The following LRRC4C variants were observed in gnomAD, a reference collection of about 807,000 sequenced individuals.
The protein encoded by LRRC4C is leucine-rich repeat-containing protein 4C.
A neutral mutation model predicts 33.6 loss-of-function variants in LRRC4C; 5 were observed. The ratio of observed to expected loss-of-function variants is 0.15; its 90% confidence interval spans 0.08 to 0.31. LRRC4C has a LOEUF of 0.31. Among genes scored for constraint, LRRC4C ranks in the 10% least tolerant of loss-of-function variants. The pLI is 1.00. For synonymous variants in LRRC4C, 329 were observed against 302.0 expected, an observed-to-expected ratio of 1.09 and a Z score of -0.93; for missense variants, 560 against 796.7, an observed-to-expected ratio of 0.70 and a Z score of 3.58.
At position 41,005,006 on chromosome 11, in the gene LRRC4C, A is replaced by ATTATTATT. The variant is rs371065177; in HGVS notation, c.-495-71284_-495-71283insAATAATAA. 2.9e-3 allele frequency among the ~76,000 whole-genome samples: 444 copies of ATTATTATT among 151,488 alleles called. 3 individuals carry two copies. Among genetic ancestry groups the ATTATTATT allele is most frequent in the South Asian group, 0.022 (105 of 4,794 alleles). On this transcript the variant is annotated intron_variant, in intron 1 of 6. Coordinates refer to ENST00000528697, the MANE Select transcript of LRRC4C (RefSeq NM_001258419.2). ...TTATAACTTTCATTATTATTATTAT[A>ATTATTATT]ATTATTACAGAATTCAGGATTCTAT...
chr11:40,703,442 G>A (rs1945980473), intron 2 of LRRC4C, among the ~76,000 whole-genome samples: 1 of 152,108 alleles, frequency 6.6e-6, no homozygotes, highest in Admixed American at 6.6e-5. Context: ...AGCTGAATGT[G>A]GTAATGGGTG....
intron 1 of LRRC4C, among the ~76,000 whole-genome samples, chr11:41,260,894 C>G (rs1321475739): frequency 6.6e-6 from 1 of 152,060 alleles, no homozygotes; most frequent in Non-Finnish European, 1.5e-5. Context: ...ATGTATAAGA[C>G]ATTATTAGAT....
At chr11:41,186,205 A>G (rs1264836313) in intron 1 of LRRC4C, among the ~76,000 whole-genome samples, 1 of 152,210 alleles carries the variant, frequency 6.6e-6, no homozygotes, top group Non-Finnish European at 1.5e-5. Context: ...TTAATTCAGT[A>G]AAATCAGTAA....
chr11:40,843,290 C>G (rs970156189), intron 2 of LRRC4C, among the ~76,000 whole-genome samples: 1 of 152,078 alleles, frequency 6.6e-6, no homozygotes, highest in African/African-American at 2.4e-5. Context: ...GCAATTAGGA[C>G]GAGACCAACC....
At chr11:41,075,772 C>T (rs909270024) in intron 1 of LRRC4C, among the ~76,000 whole-genome samples, 1 of 152,140 alleles carries the variant, frequency 6.6e-6, no homozygotes, top group Non-Finnish European at 1.5e-5. Context: ...CTTGTATGCA[C>T]TCCAATCAGA....
chr11:41,172,315 A>T (rs1012077097), intron 1 of LRRC4C, among the ~76,000 whole-genome samples: 2 of 150,660 alleles, frequency 1.3e-5, no homozygotes, highest in African/African-American at 5.0e-5. Flanking sequence ...TTAGAAGCCC[A>T]TAAAATATTG....
intron 5 of LRRC4C, among the ~76,000 whole-genome samples, chr11:40,189,322 G>A (rs751508795): frequency 1.3e-3 from 201 of 151,992 alleles, no homozygotes; most frequent in Non-Finnish European, 2.4e-3. Context: ...AAACAACCTC[G>A]TTCTATAAAT....
intron 3 of LRRC4C, among the ~76,000 whole-genome samples, chr11:40,414,114 G>A (rs1295763302): frequency 6.6e-6 from 1 of 151,782 alleles, no homozygotes; most frequent in Non-Finnish European, 1.5e-5. Context: ...GCTAAAAGAT[G>A]ATGAAATCAT....
At chr11:40,824,622 A>G (rs778905570) in intron 2 of LRRC4C, among the ~76,000 whole-genome samples, 1 of 151,934 alleles carries the variant, frequency 6.6e-6, no homozygotes, top group Non-Finnish European at 1.5e-5. Context: ...CGTTACAGAC[A>G]TTATTCATCA....
chr11:40,396,778 T>C (rs919510585), intron 3 of LRRC4C, among the ~76,000 whole-genome samples: 5 of 152,122 alleles, frequency 3.3e-5, no homozygotes, highest in African/African-American at 7.2e-5. Flanking sequence ...TTTTGAAACA[T>C]ACATTTTAAG....
At chr11:40,820,972 G>C (rs1181125068) in intron 2 of LRRC4C, among the ~76,000 whole-genome samples, 5 of 151,502 alleles carry the variant, frequency 3.3e-5, no homozygotes, top group African/African-American at 9.7e-5. Context: ...AAAATACAAA[G>C]TCAATATACA....
chr11:40,659,583 A>T (rs781684550), intron 2 of LRRC4C, among the ~76,000 whole-genome samples: 36 of 152,094 alleles, frequency 2.4e-4, no homozygotes, highest in Non-Finnish European at 4.3e-4. Context: ...ACTCACAGAG[A>T]TGTTGAGACT....
chr11:41,026,639 A>G (rs868083289), intron 1 of LRRC4C, among the ~76,000 whole-genome samples: 1 of 151,220 alleles, frequency 6.6e-6, no homozygotes, highest in African/African-American at 2.4e-5. Flanking sequence ...GGCAAATTGC[A>G]TTGTTTCTTT....
chr11:41,195,548 T>TCC (rs199680117), intron 1 of LRRC4C, among the ~76,000 whole-genome samples: 14 of 151,204 alleles, frequency 9.3e-5, no homozygotes, highest in African/African-American at 2.7e-4. Context: ...TGGAGATATT[T>TCC]CCCCCCCCAA....
chr11:40,590,021 A>C (rs9667491), intron 3 of LRRC4C, among the ~76,000 whole-genome samples: 36,590 of 148,866 alleles, frequency 0.25, 4,657 homozygotes, highest in Middle Eastern at 0.35. Context: ...CTGAATGTTG[A>C]CCTGCCTTGC....
chr11:41,145,255 C>T (rs552243873), intron 1 of LRRC4C, among the ~76,000 whole-genome samples: 17 of 152,020 alleles, frequency 1.1e-4, no homozygotes, highest in Non-Finnish European at 2.4e-4. Context: ...AACCTTTGAC[C>T]CATCTGAAGG....
chr11:40,584,205 T>TATATATATATA (rs59881685), intron 3 of LRRC4C, among the ~76,000 whole-genome samples: 1 of 138,416 alleles, frequency 7.2e-6, no homozygotes, highest in Non-Finnish European at 1.6e-5. Flanking sequence ...TATATATATA[T>TATATATATATA]GAACTCTTTG....
intron 2 of LRRC4C, among the ~76,000 whole-genome samples, chr11:40,849,968 T>G (rs1018955248): frequency 2.0e-5 from 3 of 151,788 alleles, no homozygotes; most frequent in African/African-American, 7.3e-5. Context: ...TGCTGTGTTT[T>G]TCAGCTCCAT....
chr11:41,396,328 CA>C (rs1953811849), intron 1 of LRRC4C, among the ~76,000 whole-genome samples: 1 of 151,802 alleles, frequency 6.6e-6, no homozygotes, highest in Non-Finnish European at 1.5e-5. Context: ...TTAAATGTAG[CA>C]AAAAAATTAA....
Sources: gnomAD v4.1 joint callset for allele counts (sites outside exome capture counted in the v4.1 genomes callset) on GRCh38, gnomAD v4.1.1 for gene constraint, MANE v1.5 for transcripts, NCBI Gene and HGNC (gene_info 2026-07-23, HGNC 2026-07-21) for gene names.